The following NACA2 variants were observed in gnomAD, a reference collection of about 807,000 sequenced individuals.
NACA2 encodes the protein nascent polypeptide-associated complex subunit alpha-2.
In NACA2, 9 loss-of-function variants were observed where a neutral mutation model predicts 15.6. The observed-to-expected ratio is 0.58, with a 90% confidence interval of 0.35 to 1.00. NACA2 has a LOEUF of 1.00. Among genes scored for constraint, NACA2 ranks in the 50% least tolerant of loss-of-function variants. NACA2 has a pLI of 0.02. For missense variants in NACA2, 258 were observed against 257.5 expected, an observed-to-expected ratio of 1.00 and a Z score of -0.01; for synonymous variants, 111 against 100.5, an observed-to-expected ratio of 1.10 and a Z score of -0.62.
Position 61,590,665 on chromosome 17 carries a change from A to G in NACA2, c.516T>C (p.Asp172=), listed in dbSNP as rs1159725379. 1.2e-6 allele frequency: 2 copies of G among 1,614,154 alleles called. No homozygotes were observed. Among genetic ancestry groups the G allele is most frequent in the South Asian group, 1.1e-5 (1 of 91,074 alleles). The change falls in exon 1 of 1, where the codon GAT becomes GAC. Residue 172 remains aspartate (D), a synonymous_variant. Coordinates refer to ENST00000521764, the MANE Select transcript of NACA2 (RefSeq NM_199290.4). ...VQEESEEEEV[D]ETGVEVKDVK... is the part of the protein sequence containing the mutation. ...CGTCTTTAACTTCTACACCTGTTTC[A>G]TCGACCTCTTCCTCTTCACTCTCCT...
Position 61,590,750 on chromosome 17 carries a change from C to G in NACA2, c.431G>C (p.Arg144Thr), listed in dbSNP as rs879177143. The G allele has an allele frequency of 6.2e-7, 1 of 1,614,210 alleles. No homozygotes were observed. Among genetic ancestry groups the G allele is most frequent in the Non-Finnish European group, 8.5e-7 (1 of 1,180,042 alleles). ...GTTTCCGACAGCTTCACCTTGAACT[C>G]TGAATTTCTCCGCAGCTGCTAGTTG... is the stretch of plus-strand genomic sequence containing the variant. ...QAQLAAAEKFRVQGEAVGNIQ... is the reference protein window; with the variant it reads ...QAQLAAAEKFTVQGEAVGNIQ... Residue 144 changes from arginine to threonine, a missense_variant, in exon 1 of 1, where the codon AGA becomes ACA. Arg to Thr is a moderately conservative substitution (Grantham distance 71). Transcript: ENST00000521764.
In NACA2 at chr17:61,590,675, T is replaced by G; in HGVS notation, c.506A>C (p.Glu169Ala). The change falls in exon 1 of 1, where the codon GAA (glutamate) becomes GCA (alanine). Residue 169 changes from glutamate (E) to alanine (A), a missense_variant. Physicochemically the swap from Glu to Ala is moderately radical, Grantham distance 107. Transcript: ENST00000521764. ...TPTVQEESEE[E>A]EVDETGVEVK... is the part of the protein sequence containing the mutation. Reference sequence around the variant, plus strand: ...TTCTACACCTGTTTCATCGACCTCTTCCTCTTCACTCTCCTCTTGTACAGT... The same window carrying G: ...TTCTACACCTGTTTCATCGACCTCTGCCTCTTCACTCTCCTCTTGTACAGT... 6.2e-7 allele frequency: 1 copy of G among 1,614,172 alleles called. No homozygotes were observed. The highest frequency in any genetic ancestry group is 8.5e-7 in the Non-Finnish European group (1 of 1,180,042).
In NACA2 at chr17:61,591,207, T is replaced by C. The variant is rs1603265898; in HGVS notation, c.-27A>G. ...TTGTGCAGGGAACGCGGAAGCAAGA[T>C]GGCGGCAGAAAGAGCGCGAGCGAGA... On this transcript the variant is annotated 5_prime_UTR_variant, in exon 1 of 1. Coordinates refer to ENST00000521764, the MANE Select transcript of NACA2 (RefSeq NM_199290.4). The C allele has an allele frequency of 6.2e-7, 1 of 1,613,972 alleles. No individual in the cohort carries two copies. Among genetic ancestry groups the C allele is most frequent in the Non-Finnish European group, 8.5e-7 (1 of 1,180,056 alleles).
Position 61,590,689 on chromosome 17 carries a change from C to T in NACA2, c.492G>A (p.Glu164=), listed in dbSNP as rs941188261. The part of the protein sequence containing the change: ...QENTQTPTVQ[E]ESEEEEVDET... ...CATCGACCTCTTCCTCTTCACTCTC[C>T]TCTTGTACAGTTGGAGTCTGTGTGT... is the stretch of plus-strand genomic sequence containing the variant. The change falls in exon 1 of 1, where the codon GAG becomes GAA. Residue 164 remains glutamate (E), a synonymous_variant. Coordinates refer to ENST00000521764, the MANE Select transcript of NACA2 (RefSeq NM_199290.4). 5 of 1,614,180 alleles carry T rather than the reference C, an allele frequency of 3.1e-6. No individual in the cohort carries two copies. Among genetic ancestry groups the T allele is most frequent in the African/African-American group, 1.3e-5 (1 of 75,042 alleles).
In NACA2 at chr17:61,590,762, G is replaced by A. The variant is rs765470743; in HGVS notation, c.419C>T (p.Ala140Val). Residue 140 changes from alanine to valine, a missense_variant, in exon 1 of 1, where the codon GCG (alanine) becomes GTG (valine). Coordinates refer to ENST00000521764, the MANE Select transcript of NACA2 (RefSeq NM_199290.4). ...TTCACCTTGAACTCTGAATTTCTCC[G>A]CAGCTGCTAGTTGTGCTTGCTGAGA... ...DLSQQAQLAAAEKFRVQGEAV... is the reference protein window; with the variant it reads ...DLSQQAQLAAVEKFRVQGEAV... 29 of 1,614,016 alleles carry A rather than the reference G, an allele frequency of 1.8e-5. No homozygotes were observed. Among genetic ancestry groups the A allele is most frequent in the African/African-American group, 6.7e-5 (5 of 74,902 alleles).
rs777138516 is a variant in NACA2 at position 61,590,941 on chromosome 17, C to G, written c.240G>C (p.Met80Ile). Residue 80 changes from methionine to isoleucine, a missense_variant, in exon 1 of 1, where the codon ATG (methionine) becomes ATC (isoleucine). Physicochemically the swap from Met to Ile is conservative, Grantham distance 10. Transcript: ENST00000521764. ...TAACCTGTAGAAGACCCAGTTTGGA[C>G]ATAGCCTTCCGTGCCCTCTTTTCAC... ...SRSEKRARKA[M>I]SKLGLLQVTG... The G allele has an allele frequency of 6.2e-7, 1 of 1,614,234 alleles. No individual in the cohort carries two copies. The highest frequency in any genetic ancestry group is 8.5e-7 in the Non-Finnish European group (1 of 1,180,044).
chr17:61,591,139 C>T lies in NACA2; in HGVS notation c.42G>A (p.Gln14=), dbSNP rs1236945909. 6.2e-7 allele frequency: 1 copy of T among 1,614,242 alleles called. No individual in the cohort carries two copies. The highest frequency in any genetic ancestry group is 8.5e-7 in the Non-Finnish European group (1 of 1,180,046). The change falls in exon 1 of 1, where the codon CAG becomes CAA. Residue 14 remains glutamine, a synonymous_variant. Coordinates refer to ENST00000521764, the MANE Select transcript of NACA2 (RefSeq NM_199290.4). ...EATETVPATE[Q]ELPQSQAETG... ...TCTCAGCCTGGGACTGCGGCAACTC[C>T]TGCTCTGTAGCAGGGACGGTTTCTG...
In NACA2 at chr17:61,590,830, C is replaced by T. The variant is rs373217743; in HGVS notation, c.351G>A (p.Ser117=). 4 of 1,614,040 alleles carry T rather than the reference C, an allele frequency of 2.5e-6. No individual in the cohort carries two copies. Among genetic ancestry groups the T allele is most frequent in the East Asian group, 2.2e-5 (1 of 44,882 alleles). ...CTTCCCCAAAAACTATGTAGGCATC[C>T]GAAGCAGGGCTCTTGTAGACGTCCA... ...TKLDVYKSPA[S]DAYIVFGEAK... Residue 117 remains serine, a synonymous_variant, in exon 1 of 1, where the codon TCG becomes TCA. Transcript: ENST00000521764.
Position 61,590,846 on chromosome 17 carries a change from TA to T in NACA2, c.334del (p.Tyr112ThrfsTer10), listed in dbSNP as rs773629917. ...GTAGGCATCCGAAGCAGGGCTCTTG[TA>T]GACGTCCAGTTTTGTGATGACAAAG... is the stretch of plus-strand genomic sequence containing the variant. ...ILFVITKLDV[Y>X]KSPASDAYIV... On this transcript the variant is annotated frameshift_variant, in exon 1 of 1. Transcript: ENST00000521764. LOFTEE classifies it high-confidence loss of function. The T allele has an allele frequency of 3.7e-6, 6 of 1,614,140 alleles. No homozygotes were observed. The highest frequency in any genetic ancestry group is 1.7e-5 in the Admixed American group (1 of 60,010).
At position 61,590,933 on chromosome 17, in the gene NACA2, A is replaced by C. The variant is rs2060997316; in HGVS notation, c.248T>G (p.Leu83Arg). 6.2e-7 allele frequency: 1 copy of C among 1,614,240 alleles called. No homozygotes were observed. Among genetic ancestry groups the C allele is most frequent in the African/African-American group, 1.3e-5 (1 of 75,056 alleles). ...AACTCCTGTAACCTGTAGAAGACCC[A>C]GTTTGGACATAGCCTTCCGTGCCCT... is the stretch of plus-strand genomic sequence containing the variant. ...EKRARKAMSK[L>R]GLLQVTGVTR... The change falls in exon 1 of 1, where the codon CTG (leucine) becomes CGG (arginine). Residue 83 changes from leucine (L) to arginine (R), a missense_variant. Coordinates refer to ENST00000521764, the MANE Select transcript of NACA2 (RefSeq NM_199290.4).
Position 61,590,456 on chromosome 17 carries a change from A to C in NACA2, c.*77T>G. 1.4e-6 allele frequency: 2 copies of C among 1,389,850 alleles called. No homozygotes were observed. Among genetic ancestry groups the C allele is most frequent in the Non-Finnish European group, 2.0e-6 (2 of 985,308 alleles). The allele number at this position is 1,389,850 out of a possible 1,614,324, so 86.1% of individuals were successfully genotyped here. On this transcript the variant is annotated 3_prime_UTR_variant, in exon 1 of 1. Transcript: ENST00000521764. ...CCAGCAAGAAGTCATAACTTTATTT[A>C]TGATAGAAACAGTACAAATTTCAAA...
At position 61,591,175 on chromosome 17, in the gene NACA2, C is replaced by T. The variant is rs112308210; in HGVS notation, c.6G>A (p.Pro2=). 1.5e-5 allele frequency: 25 copies of T among 1,614,196 alleles called. No homozygotes were observed. In the East Asian group the frequency reaches 3.6e-4, roughly 23 times the overall value. The part of the protein sequence containing the change: M[P]GEATETVPAT... The stretch of plus-strand genomic sequence containing the variant: ...CAGGGACGGTTTCTGTGGCTTCGCC[C>T]GGCATTTTGTGCAGGGAACGCGGAA... Residue 2 remains proline (P), a synonymous_variant, in exon 1 of 1, where the codon CCG becomes CCA. Coordinates refer to ENST00000521764, the MANE Select transcript of NACA2 (RefSeq NM_199290.4).
chr17:61,590,768 G>A lies in NACA2; in HGVS notation c.413C>T (p.Ala138Val), dbSNP rs1603265776. 9 of 1,614,064 alleles carry A rather than the reference G, an allele frequency of 5.6e-6. No individual in the cohort carries two copies. The highest frequency in any genetic ancestry group is 1.3e-5 in the African/African-American group (1 of 74,918). Residue 138 changes from alanine to valine, a missense_variant, in exon 1 of 1, where the codon GCA becomes GTA. Physicochemically the swap from Ala to Val is moderately conservative, Grantham distance 64. Coordinates refer to ENST00000521764, the MANE Select transcript of NACA2 (RefSeq NM_199290.4). ...IQDLSQQAQLAAAEKFRVQGE... is the reference protein window; with the variant it reads ...IQDLSQQAQLVAAEKFRVQGE... ...TTGAACTCTGAATTTCTCCGCAGCTGCTAGTTGTGCTTGCTGAGATAAATC... is the reference window on the plus strand; with the variant it reads ...TTGAACTCTGAATTTCTCCGCAGCTACTAGTTGTGCTTGCTGAGATAAATC...
chr17:61,591,016 T>C lies in NACA2; in HGVS notation c.165A>G (p.Ala55=). The C allele has an allele frequency of 6.2e-7, 1 of 1,614,250 alleles. No individual in the cohort carries two copies. Among genetic ancestry groups the C allele is most frequent in the Non-Finnish European group, 8.5e-7 (1 of 1,180,042 alleles). The change falls in exon 1 of 1, where the codon GCA becomes GCG. Residue 55 remains alanine, a synonymous_variant. Coordinates refer to ENST00000521764, the MANE Select transcript of NACA2 (RefSeq NM_199290.4). ...CTGGTTCTTCATCAATTTCAGCTGC[T>C]GCCACCAGCCAGGCTTTTTGTGTGG... ...QTTTQKAWLV[A]AAEIDEEPVG... is the part of the protein sequence containing the mutation.
Position 61,591,153 on chromosome 17 carries a change from G to T in NACA2, c.28C>A (p.Pro10Thr). 6.2e-7 allele frequency: 1 copy of T among 1,614,250 alleles called. No homozygotes were observed. The highest frequency in any genetic ancestry group is 8.5e-7 in the Non-Finnish European group (1 of 1,180,046). MPGEATETV[P>T]ATEQELPQSQ... ...TGCGGCAACTCCTGCTCTGTAGCAG[G>T]GACGGTTTCTGTGGCTTCGCCCGGC... The change falls in exon 1 of 1, where the codon CCT (proline) becomes ACT (threonine). Residue 10 changes from proline (P) to threonine (T), a missense_variant. Pro to Thr is a conservative substitution (Grantham distance 38). Coordinates refer to ENST00000521764, the MANE Select transcript of NACA2 (RefSeq NM_199290.4).
Position 61,591,149 on chromosome 17 carries a change from G to C in NACA2, c.32C>G (p.Ala11Gly). ...GGACTGCGGCAACTCCTGCTCTGTA[G>C]CAGGGACGGTTTCTGTGGCTTCGCC... is the stretch of plus-strand genomic sequence containing the variant. MPGEATETVP[A>G]TEQELPQSQA... is the part of the protein sequence containing the mutation. The change falls in exon 1 of 1, where the codon GCT becomes GGT. Residue 11 changes from alanine (A) to glycine (G), a missense_variant. Transcript: ENST00000521764. The C allele has an allele frequency of 1.2e-6, 2 of 1,614,266 alleles. No individual in the cohort carries two copies. The highest frequency in any genetic ancestry group is 2.2e-5 in the South Asian group (2 of 91,088).
rs140093645 is a variant in NACA2, at chr17:61,590,868, C to G, written c.313G>C (p.Val105Leu). The change falls in exon 1 of 1, where the codon GTC becomes CTC. Residue 105 changes from valine to leucine, a missense_variant. By Grantham distance (32) the Val-to-Leu change is conservative. Coordinates refer to ENST00000521764, the MANE Select transcript of NACA2 (RefSeq NM_199290.4). Reference sequence around the variant, plus strand: ...TTGTAGACGTCCAGTTTTGTGATGACAAAGAGGATATTCTTAGATTTCCAG... The same window carrying G: ...TTGTAGACGTCCAGTTTTGTGATGAGAAAGAGGATATTCTTAGATTTCCAG... Reference protein sequence around the residue: ...TIWKSKNILFVITKLDVYKSP... With the variant: ...TIWKSKNILFLITKLDVYKSP... 1.8e-4 allele frequency: 298 copies of G among 1,614,082 alleles called. 1 individual carries two copies. The East Asian group carries it at 4.0e-3, about 21-fold the overall frequency.
exon 1 of NACA2, chr17:61,591,218 AGAGCGC>A: frequency 6.2e-7 from 1 of 1,613,494 alleles, no homozygotes; most frequent in Non-Finnish European, 8.5e-7. Context: ...GGCGGCAGAA[AGAGCGC>A]GAGCGAGAGC....
chr17:61,591,074 G>T lies in NACA2; in HGVS notation c.107C>A (p.Pro36Gln), dbSNP rs759717369. 2 of 1,614,236 alleles carry T rather than the reference G, an allele frequency of 1.2e-6. No homozygotes were observed. Among genetic ancestry groups the T allele is most frequent in the Non-Finnish European group, 1.7e-6 (2 of 1,180,050 alleles). Residue 36 changes from proline to glutamine, a missense_variant, in exon 1 of 1, where the codon CCA becomes CAA. Coordinates refer to ENST00000521764, the MANE Select transcript of NACA2 (RefSeq NM_199290.4). The part of the protein sequence containing the change: ...GTASDSGESV[P>Q]GIEEQDSTQT... ...GGTGGAATCCTGTTCTTCAATCCCT[G>T]GTACTGATTCACCACTATCAGATGC... is the stretch of plus-strand genomic sequence containing the variant.
Sources: allele counts gnomAD v4.1 joint callset, GRCh38; gene constraint gnomAD v4.1.1; transcripts MANE v1.5; gene names NCBI Gene and HGNC (gene_info 2026-07-23, HGNC 2026-07-21).